The following TNRC18 variants were observed in gnomAD, a reference collection of about 807,000 sequenced individuals.
The protein encoded by TNRC18 is trinucleotide repeat containing 18.
TNRC18 carries 69 observed loss-of-function variants against 226.7 expected under a neutral mutation model. That is an observed-to-expected ratio of 0.30 (90% confidence interval 0.25 to 0.37). The LOEUF (loss-of-function observed/expected upper bound fraction) is 0.37, where lower values mean the gene tolerates loss of function less well. Among genes scored for constraint, TNRC18 ranks in the 10% least tolerant of loss-of-function variants. The pLI is 1.00. For missense variants in TNRC18, 4,754 were observed against 4,256.6 expected (o/e 1.12, Z -3.25); for synonymous variants, 2,449 against 1,927.6 (o/e 1.27, Z -7.09).
Position 5,359,491 on chromosome 7 carries a change from C to T in TNRC18, c.4740G>A (p.Glu1580=). 1 of 1,614,010 alleles carries T rather than the reference C, an allele frequency of 6.2e-7. No individual in the cohort carries two copies. Residue 1580 remains glutamate (E), a synonymous_variant, in exon 15 of 30, where the codon GAG becomes GAA. Transcript: ENST00000430969. The stretch of plus-strand genomic sequence containing the variant: ...TTCCGATGAGGGCATCATGTTCCTC[C>T]TCAGACCCCTTGTGTCTCTTTCTTA... ...AGIRKRHKGS[E]EEHDALIGMG...
intron 11 of TNRC18, 147 bp from the exon 12 acceptor site, chr7:5,362,972 G>A (rs1793220975): frequency 1.3e-6 from 1 of 789,924 alleles, no homozygotes; most frequent in African/African-American, 1.8e-5. Context: ...TTTGTGACAT[G>A]CCGGAAGTCC....
At position 5,307,795 on chromosome 7, in the gene TNRC18, C is replaced by A. The variant is rs781581263; in HGVS notation, c.*311G>T. On this transcript the variant is annotated 3_prime_UTR_variant, in exon 30 of 30. Coordinates refer to ENST00000430969, the MANE Select transcript of TNRC18 (RefSeq NM_001080495.3). ...CCCACGCAGCAGCAGCCTGGAGGGC[C>A]GGCCTGGCCAAGTGCTTGCAACGTG... The A allele has an allele frequency of 7.0e-6, 3 of 430,410 alleles. No individual in the cohort carries two copies. Among genetic ancestry groups the A allele is most frequent in the Admixed American group, 3.7e-5 (1 of 26,882 alleles). 26.7% of individuals were successfully genotyped at this position (430,410 alleles called of 1,614,324 possible).
intron 3 of TNRC18, among the ~76,000 whole-genome samples, chr7:5,393,696 G>A (rs972393852): frequency 2.0e-5 from 3 of 152,312 alleles, no homozygotes; most frequent in African/African-American, 4.8e-5. Context: ...GAAGACAGAG[G>A]AGCTTGGAGG....
chr7:5,382,662 C>T (rs1470044555), intron 5 of TNRC18, among the ~76,000 whole-genome samples: 1 of 152,186 alleles, frequency 6.6e-6, no homozygotes, highest in Non-Finnish European at 1.5e-5. Flanking sequence ...GGGACATCCC[C>T]ACAGCCCCTC....
At chr7:5,405,828 C>T (rs1781428197) in intron 2 of TNRC18, among the ~76,000 whole-genome samples, 1 of 152,174 alleles carries the variant, frequency 6.6e-6, no homozygotes. Flanking sequence ...TTTTGAGAAG[C>T]CAAGGCAGGA....
At position 5,349,071 on chromosome 7, in the gene TNRC18, C is replaced by T. The variant is rs571872976; in HGVS notation, c.5470+2748G>A. Among the ~76,000 whole-genome samples the T allele has an allele frequency of 5.9e-5, 9 of 152,296 alleles. No homozygotes were observed. In the South Asian group the frequency reaches 1.4e-3, roughly 25 times the overall value. On this transcript the variant is annotated intron_variant, in intron 17 of 29. Transcript: ENST00000430969. ...AATCTTTCCCATCCAGAGGAATTCT[C>T]AAGCAGCTGGGGCTGCGGGGGGAGG...
At chr7:5,356,818 G>T in intron 16 of TNRC18, 98 bp downstream of exon 16, 9 of 1,368,664 alleles carry the variant, frequency 6.6e-6, no homozygotes, top group Non-Finnish European at 8.5e-6. Context: ...GAGCGAGAGA[G>T]AGAGTGAGGG....
At chr7:5,366,346 T>G (rs35558209) in intron 11 of TNRC18, among the ~76,000 whole-genome samples, 2 of 143,802 alleles carry the variant, frequency 1.4e-5, no homozygotes, top group African/African-American at 2.6e-5. Flanking sequence ...TTTTTTTTTG[T>G]GAGACAGAAT....
intron 18 of TNRC18, among the ~76,000 whole-genome samples, chr7:5,334,731 C>A (rs973798683): frequency 6.6e-6 from 1 of 152,098 alleles, no homozygotes; most frequent in East Asian, 1.9e-4. Flanking sequence ...ACAGTCCCCC[C>A]AGAGATCCAC....
At chr7:5,420,522 G>A in intron 2 of TNRC18, 1 of 447,448 alleles carries the variant, frequency 2.2e-6, no homozygotes, top group Non-Finnish European at 4.5e-6. Context: ...GGGTCCCAAG[G>A]CTGGGGTCAC....
chr7:5,313,269 G>A lies in TNRC18; in HGVS notation c.7622C>T (p.Pro2541Leu), dbSNP rs1320985008. 2 of 1,548,708 alleles carry A rather than the reference G, an allele frequency of 1.3e-6. No homozygotes were observed. The highest frequency in any genetic ancestry group is 2.0e-5 in the Admixed American group (1 of 50,986). The change falls in exon 27 of 30, where the codon CCC becomes CTC. Residue 2541 changes from proline to leucine, a missense_variant. Pro to Leu is a moderately conservative substitution (Grantham distance 98, BLOSUM62 -3). Coordinates refer to ENST00000430969, the MANE Select transcript of TNRC18 (RefSeq NM_001080495.3). ...PGLTFEDSGNPKSPDKAQAEQ... is the reference protein window; with the variant it reads ...PGLTFEDSGNLKSPDKAQAEQ... ...AGCCTGGGCCTTGTCTGGGCTCTTG[G>A]GGTTCCCAGAGTCCTCGAACGTGAG...
intron 2 of TNRC18, among the ~76,000 whole-genome samples, chr7:5,398,732 C>G (rs1278905736): frequency 6.6e-6 from 1 of 152,120 alleles, no homozygotes; most frequent in Non-Finnish European, 1.5e-5. Context: ...ATCCTCCAGC[C>G]TCAGCCTCCT....
Position 5,388,240 on chromosome 7 carries a change from C to T in TNRC18, c.1584G>A (p.Ala528=), listed in dbSNP as rs1779962925. 1.2e-6 allele frequency: 2 copies of T among 1,606,226 alleles called. No homozygotes were observed. The highest frequency in any genetic ancestry group is 1.1e-5 in the South Asian group (1 of 90,162). ...FAATQMAVLA[A]QHHHSRAEEE... ...CTTCGGCGCGGCTGTGGTGGTGCTG[C>T]GCGGCCAGCACGGCCATCTGCGTGG... The change falls in exon 5 of 30, where the codon GCG becomes GCA. Residue 528 remains alanine, a synonymous_variant. Coordinates refer to ENST00000430969, the MANE Select transcript of TNRC18 (RefSeq NM_001080495.3).
At position 5,345,763 on chromosome 7, in the gene TNRC18, C is replaced by G; in HGVS notation, c.5518G>C (p.Asp1840His). 6.5e-7 allele frequency: 1 copy of G among 1,547,328 alleles called. No homozygotes were observed. The highest frequency in any genetic ancestry group is 8.7e-7 in the Non-Finnish European group (1 of 1,146,816). The change falls in exon 18 of 30, where the codon GAC becomes CAC. Residue 1840 changes from aspartate to histidine, a missense_variant. By Grantham distance (81) the Asp-to-His change is moderately conservative. Coordinates refer to ENST00000430969, the MANE Select transcript of TNRC18 (RefSeq NM_001080495.3). ...CTGTAGCCACCACCGCTGGCCTCGT[C>G]CTCCTCCTCGAGCTCCTCCTCCTCG... ...EDEEEELEEEDEASGGGYRLG... is the reference protein window; with the variant it reads ...EDEEEELEEEHEASGGGYRLG...
At position 5,409,019 on chromosome 7, in the gene TNRC18, G is replaced by A. The variant is rs78347749; in HGVS notation, c.187+12041C>T. Among the ~76,000 whole-genome samples the A allele has an allele frequency of 2.2e-3, 334 of 152,244 alleles. 8 individuals are homozygous for A. In the East Asian group the frequency reaches 0.059, roughly 27 times the overall value. On this transcript the variant is annotated intron_variant, in intron 2 of 29. Coordinates refer to ENST00000430969, the MANE Select transcript of TNRC18 (RefSeq NM_001080495.3). ...GGGACAGGAACAGCCTGGCTTCAAC[G>A]TCAACAGACAAGAAACCGCTGAATT...
Position 5,387,250 on chromosome 7 carries a change from A to T in TNRC18, c.2152+422T>A, listed in dbSNP as rs530238194. Among the ~76,000 whole-genome samples, 9 of 152,296 alleles carry T rather than the reference A, an allele frequency of 5.9e-5. No individual in the cohort carries two copies. The South Asian group carries it at 1.9e-3, about 32-fold the overall frequency. ...CTGTCTGTTCCTCACTCATTCACTC[A>T]TCCATCAAACACCTACTACGTGCCA... On this transcript the variant is annotated intron_variant, in intron 5 of 29. Transcript: ENST00000430969.
chr7:5,339,947 C>G (rs930908023), intron 18 of TNRC18, among the ~76,000 whole-genome samples: 7 of 152,072 alleles, frequency 4.6e-5, no homozygotes, highest in African/African-American at 1.7e-4. Flanking sequence ...TTCCTCATCT[C>G]TCTCCCTCTC....
At position 5,366,318 on chromosome 7, in the gene TNRC18, C is replaced by CTTTTTTTTTT; in HGVS notation, c.4220-3503_4220-3494dup. Reference sequence around the variant, plus strand: ...AATGCTTGTTTTGCTCTTCTTATATCTTTTTTTTTTTTTTTTTTTTTTTTT... The same window carrying CTTTTTTTTTT: ...AATGCTTGTTTTGCTCTTCTTATATCTTTTTTTTTTTTTTTTTTTTTTTTTTTTTTTTTTT... On this transcript the variant is annotated intron_variant, in intron 11 of 29. Transcript: ENST00000430969. 1.6e-3 allele frequency among the ~76,000 whole-genome samples: 110 copies of CTTTTTTTTTT among 70,480 alleles called. 18 individuals carry two copies. The highest frequency in any genetic ancestry group is 3.4e-3 in the South Asian group (5 of 1,476). 46.2% of individuals were successfully genotyped at this position (70,480 alleles called of 152,430 possible).
intron 24 of TNRC18, among the ~76,000 whole-genome samples, chr7:5,316,853 C>A (rs1787900349): frequency 6.6e-6 from 1 of 152,196 alleles, no homozygotes; most frequent in East Asian, 1.9e-4. Context: ...GAGAATCCTG[C>A]CAAGGCTCGT....
Sources: gnomAD v4.1 joint callset for allele counts (sites outside exome capture counted in the v4.1 genomes callset) on GRCh38, gnomAD v4.1.1 for gene constraint, MANE v1.5 for transcripts, NCBI Gene and HGNC (gene_info 2026-07-23, HGNC 2026-07-21) for gene names.